EMC3: variants seen among roughly 807,000 people sequenced by gnomAD.
EMC3 encodes the protein ER membrane protein complex subunit 3.
A neutral mutation model predicts 36.6 loss-of-function variants in EMC3; 13 were observed. The ratio of observed to expected loss-of-function variants is 0.35; its 90% CI spans 0.23 to 0.56. The LOEUF (loss-of-function observed/expected upper bound fraction) is 0.56, where lower values mean the gene tolerates loss of function less well. Among genes scored for constraint, EMC3 ranks in the 20% least tolerant of loss-of-function variants. EMC3 has a pLI of 0.84. For synonymous variants in EMC3, 120 were observed against 111.9 expected (o/e 1.07, Z -0.46); for missense variants, 220 against 324.5 (o/e 0.68, Z 2.47).
intron 1 of EMC3, among the ~76,000 whole-genome samples, chr3:10,002,332 A>C (rs2086214255): frequency 6.7e-6 from 1 of 149,324 alleles, no homozygotes; most frequent in South Asian, 2.2e-4. Flanking sequence ...TCTCTAACAC[A>C]GGCTAGAGTA....
At chr3:9,998,121 C>G (rs2086150029) in intron 1 of EMC3, among the ~76,000 whole-genome samples, 1 of 151,912 alleles carries the variant, frequency 6.6e-6, no homozygotes, top group Non-Finnish European at 1.5e-5. Flanking sequence ...AATCCCAGGA[C>G]TTTGGGAGGC....
At chr3:9,999,663 C>G (rs1038687128) in intron 1 of EMC3, among the ~76,000 whole-genome samples, 8 of 152,082 alleles carry the variant, frequency 5.3e-5, no homozygotes, top group Non-Finnish European at 7.4e-5. Context: ...AGCACCATTC[C>G]CAATCACAAA....
intron 1 of EMC3, among the ~76,000 whole-genome samples, chr3:9,983,387 A>T (rs979757647): frequency 2.6e-5 from 4 of 152,028 alleles, no homozygotes; most frequent in Non-Finnish European, 5.9e-5. Flanking sequence ...ACTTTAAGAG[A>T]TCTGCCCACC....
chr3:9,973,666 T>C lies in EMC3; in HGVS notation c.456A>G (p.Leu152=), dbSNP rs1393541020. Residue 152 remains leucine, a synonymous_variant, in exon 5 of 8, where the codon TTA becomes TTG. Transcript: ENST00000245046. The part of the protein sequence containing the change: ...FPLTLRFKPM[L]QQGIELLTLD... ...ATGTGAGTAGCTCGATTCCTTGCTG[T>C]AACATAGGCTTAAAACGGAGGGTCA... is the stretch of plus-strand genomic sequence containing the variant. 6.8e-6 allele frequency: 11 copies of C among 1,614,146 alleles called. No individual in the cohort carries two copies. The highest frequency in any genetic ancestry group is 9.3e-6 in the Non-Finnish European group (11 of 1,180,022).
intron 1 of EMC3, chr3:9,981,784 C>T (rs2085914381): frequency 4.7e-6 from 2 of 429,650 alleles, no homozygotes; most frequent in Non-Finnish European, 9.2e-6. Flanking sequence ...CTTCTCAAAC[C>T]AGAGTTCCAA....
At chr3:9,967,165 G>A (rs534876504) in intron 7 of EMC3, among the ~76,000 whole-genome samples, 27 of 152,062 alleles carry the variant, frequency 1.8e-4, no homozygotes, top group Middle Eastern at 6.8e-3. Context: ...AAAGATTTGG[G>A]ACTTTGACCC....
At chr3:9,995,554 G>A (rs571934195) in intron 1 of EMC3, among the ~76,000 whole-genome samples, 1 of 151,082 alleles carries the variant, frequency 6.6e-6, no homozygotes, top group Non-Finnish European at 1.5e-5. Context: ...GAGAGGCCTC[G>A]GTGGTGAATC....
At chr3:9,984,982 AG>A (rs1318513356) in intron 1 of EMC3, among the ~76,000 whole-genome samples, 1 of 152,210 alleles carries the variant, frequency 6.6e-6, no homozygotes, top group Non-Finnish European at 1.5e-5. Context: ...AATGAATGTA[AG>A]TACTTCACAT....
upstream of EMC3, among the ~76,000 whole-genome samples, chr3:9,991,551 C>T (rs534539208): frequency 5.3e-5 from 8 of 152,074 alleles, no homozygotes; most frequent in Non-Finnish European, 1.2e-4. Context: ...GGGTCTCACT[C>T]TGTCGCCAGG....
At chr3:9,981,074 G>A (rs1054401667) in intron 1 of EMC3, among the ~76,000 whole-genome samples, 7 of 152,116 alleles carry the variant, frequency 4.6e-5, no homozygotes, top group African/African-American at 1.2e-4. Flanking sequence ...GTGCAGTGGC[G>A]TGTGCCTGTA....
chr3:10,006,758 T>A (rs2086267397), intron 1 of EMC3: 1 of 340,674 alleles, frequency 2.9e-6, no homozygotes, highest in African/African-American at 2.3e-5. Flanking sequence ...TGTGTTGCAT[T>A]TTGCAAAACA....
At chr3:9,996,687 A>G (rs1239050774) in intron 1 of EMC3, among the ~76,000 whole-genome samples, 1 of 152,128 alleles carries the variant, frequency 6.6e-6, no homozygotes, top group Admixed American at 6.5e-5. Context: ...TTCAAAACAT[A>G]TAGAAGAGTA....
rs2085768511 is a variant in EMC3 at position 9,969,922 on chromosome 3, T to A, written c.575-121A>T. The A allele has an allele frequency of 2.1e-6, 3 of 1,455,290 alleles. 1 individual carries two copies. The South Asian group carries it at 4.3e-5, about 21-fold the overall frequency. 90.1% of individuals were successfully genotyped at this position (1,455,290 alleles called of 1,614,324 possible). ...ACTACAGCCTCACTGGCTGGCCCTGTCACCCACTGGCTATGTGACTCTAGG... is the reference window on the plus strand; with the variant it reads ...ACTACAGCCTCACTGGCTGGCCCTGACACCCACTGGCTATGTGACTCTAGG... On this transcript the variant is annotated intron_variant, in intron 6 of 7. Coordinates refer to ENST00000245046, the MANE Select transcript of EMC3 (RefSeq NM_001394674.1).
rs61596273 is a variant in EMC3 at position 9,963,477 on chromosome 3, A to ATATTTTTTTTTTTT, written c.*591_*592insAAAAAAAAAAAATA. ...TAGATATATATATATATATATATATATTTTTTTTTTTTTTTCAGATGGAGT... is the reference window on the plus strand; with the variant it reads ...TAGATATATATATATATATATATATATATTTTTTTTTTTTTTTTTTTTTTTTTTTCAGATGGAGT... On this transcript the variant is annotated 3_prime_UTR_variant, in exon 8 of 8. Transcript: ENST00000245046. The ATATTTTTTTTTTTT allele has an allele frequency of 4.5e-5, 4 of 88,920 alleles. No individual in the cohort carries two copies. Among genetic ancestry groups the ATATTTTTTTTTTTT allele is most frequent in the African/African-American group, 1.9e-4 (4 of 21,322 alleles). The allele number at this position is 88,920 out of a possible 1,614,324, so 5.5% of individuals were successfully genotyped here. A position where few individuals can be genotyped will look rare whatever the true frequency, so the allele number is the denominator to read the frequency against.
At chr3:10,009,973 C>T (rs574651619) in intron 1 of EMC3, 3 of 152,572 alleles carry the variant, frequency 2.0e-5, no homozygotes, top group African/African-American at 7.2e-5. Context: ...CCTGCTTCCC[C>T]ATCTTCTAAG....
Position 9,971,265 on chromosome 3 carries a change from A to T in EMC3, c.495-604T>A, listed in dbSNP as rs148785249. Among the ~76,000 whole-genome samples, 16 of 152,322 alleles carry T rather than the reference A, an allele frequency of 1.1e-4. No individual in the cohort carries two copies. The East Asian group carries it at 3.1e-3, about 29-fold the overall frequency. ...ATGAGACATGGATTTCAGGAAATACAGTACCGAGGACTATAGCTACTGGGA... is the reference window on the plus strand; with the variant it reads ...ATGAGACATGGATTTCAGGAAATACTGTACCGAGGACTATAGCTACTGGGA... On this transcript the variant is annotated intron_variant, in intron 5 of 7. Coordinates refer to ENST00000245046, the MANE Select transcript of EMC3 (RefSeq NM_001394674.1).
chr3:9,999,557 T>A (rs980117406), intron 1 of EMC3, among the ~76,000 whole-genome samples: 3 of 152,146 alleles, frequency 2.0e-5, no homozygotes, highest in Non-Finnish European at 4.4e-5. Flanking sequence ...TATGTTATTT[T>A]ATTATTTTTT....
At chr3:9,994,089 A>T in intron 1 of EMC3, 2 of 1,095,990 alleles carry the variant, frequency 1.8e-6, no homozygotes, top group South Asian at 2.5e-5. Context: ...AGAGTTGGGG[A>T]AGAGAAGTCT....
chr3:9,990,778 G>T (rs1166947774), upstream of EMC3, among the ~76,000 whole-genome samples: 1 of 151,728 alleles, frequency 6.6e-6, no homozygotes, highest in Non-Finnish European at 1.5e-5. Flanking sequence ...CTCCCAAAGT[G>T]CTAGGATTAC....
Sources: gnomAD v4.1 joint callset for allele counts (sites outside exome capture counted in the v4.1 genomes callset) on GRCh38, gnomAD v4.1.1 for gene constraint, MANE v1.5 for transcripts, NCBI Gene and HGNC (gene_info 2026-07-23, HGNC 2026-07-21) for gene names.